The following KCND2 variants were observed in gnomAD, a reference collection of about 807,000 sequenced individuals.
KCND2 encodes the protein potassium voltage-gated channel subfamily D member 2.
KCND2 carries 16 observed loss-of-function variants against 54.4 expected under a neutral mutation model. That is an observed-to-expected ratio of 0.29 (90% CI 0.20 to 0.45). The LOEUF is 0.45. Ranked by LOEUF, KCND2 falls within the 20% of genes least tolerant of loss-of-function variation. KCND2 has a pLI of 1.00. For missense variants in KCND2, 486 were observed against 824.2 expected, an observed-to-expected ratio of 0.59 and a Z score of 5.02; for synonymous variants, 317 against 310.7, an observed-to-expected ratio of 1.02 and a Z score of -0.21.
chr7:120,451,091 C>T (rs1011466937), intron 1 of KCND2, among the ~76,000 whole-genome samples: 2 of 152,162 alleles, frequency 1.3e-5, no homozygotes, highest in Non-Finnish European at 2.9e-5. Context: ...ACCCTCTTAC[C>T]CACAGTGGTC....
intron 1 of KCND2, among the ~76,000 whole-genome samples, chr7:120,706,519 A>T (rs1792470863): frequency 6.6e-6 from 1 of 152,182 alleles, no homozygotes; most frequent in Non-Finnish European, 1.5e-5. Flanking sequence ...AGCCTCTTTT[A>T]TAAGGATCTT....
chr7:120,446,859 T>C (rs763859784), intron 1 of KCND2, among the ~76,000 whole-genome samples: 1 of 152,186 alleles, frequency 6.6e-6, no homozygotes, highest in Non-Finnish European at 1.5e-5. Flanking sequence ...ATAATTTCAC[T>C]TGCAATTCTA....
intron 1 of KCND2, among the ~76,000 whole-genome samples, chr7:120,433,711 CT>C (rs1801827294): frequency 6.6e-6 from 1 of 152,114 alleles, no homozygotes; most frequent in Non-Finnish European, 1.5e-5. Flanking sequence ...AATAATGATA[CT>C]TTGTAGCCAT....
chr7:120,691,735 G>A (rs1359279608), intron 1 of KCND2, among the ~76,000 whole-genome samples: 2 of 152,118 alleles, frequency 1.3e-5, no homozygotes, highest in African/African-American at 4.8e-5. Context: ...ATATTATAAA[G>A]CCAGTGACTA....
chr7:120,707,567 A>T (rs1792485532), intron 1 of KCND2, among the ~76,000 whole-genome samples: 1 of 152,112 alleles, frequency 6.6e-6, no homozygotes, highest in Non-Finnish European at 1.5e-5. Context: ...GTAATATCTT[A>T]CTTTGGAGAA....
At chr7:120,460,896 A>G (rs1319676409) in intron 1 of KCND2, among the ~76,000 whole-genome samples, 1 of 152,166 alleles carries the variant, frequency 6.6e-6, no homozygotes, top group Non-Finnish European at 1.5e-5. Context: ...TTTCTTATAG[A>G]CCATTAGAAT....
At chr7:120,288,703 C>T (rs968055513) in intron 1 of KCND2, among the ~76,000 whole-genome samples, 4 of 151,998 alleles carry the variant, frequency 2.6e-5, no homozygotes, top group Non-Finnish European at 5.9e-5. Flanking sequence ...AATTCATTTC[C>T]TGTATTGGAG....
intron 1 of KCND2, among the ~76,000 whole-genome samples, chr7:120,587,506 A>G (rs1792614558): frequency 6.6e-6 from 1 of 152,164 alleles, no homozygotes; most frequent in African/African-American, 2.4e-5. Flanking sequence ...TGACCAGGGA[A>G]CACATCTCCT....
chr7:120,665,484 G>C (rs1791915384), intron 1 of KCND2, among the ~76,000 whole-genome samples: 1 of 151,954 alleles, frequency 6.6e-6, no homozygotes, highest in African/African-American at 2.4e-5. Context: ...TTGAATACCT[G>C]TATAGCACAA....
At chr7:120,592,665 A>G (rs904533068) in intron 1 of KCND2, among the ~76,000 whole-genome samples, 85 of 152,336 alleles carry the variant, frequency 5.6e-4, no homozygotes, top group African/African-American at 1.9e-3. Flanking sequence ...TTCATCATGC[A>G]TCAGTGTGCA....
chr7:120,312,848 A>G (rs1315179411), intron 1 of KCND2, among the ~76,000 whole-genome samples: 1 of 152,180 alleles, frequency 6.6e-6, no homozygotes, highest in African/African-American at 2.4e-5. Flanking sequence ...TAGTTGGCCT[A>G]CTGTTCACCA....
intron 1 of KCND2, among the ~76,000 whole-genome samples, chr7:120,450,447 A>G (rs562795838): frequency 1.8e-4 from 28 of 152,242 alleles, no homozygotes; most frequent in African/African-American, 6.7e-4. Flanking sequence ...ACATGGGGTG[A>G]TGGAGTGGAA....
intron 1 of KCND2, among the ~76,000 whole-genome samples, chr7:120,431,144 G>C (rs928307210): frequency 4.6e-5 from 7 of 152,138 alleles, no homozygotes; most frequent in Non-Finnish European, 1.0e-4. Context: ...ATTCATCAAT[G>C]TCAAAGCACA....
At chr7:120,458,952 A>T (rs1025265706) in intron 1 of KCND2, among the ~76,000 whole-genome samples, 3 of 151,470 alleles carry the variant, frequency 2.0e-5, no homozygotes, top group Non-Finnish European at 4.4e-5. Context: ...TCTAGGAAAC[A>T]TTATTTCCTA....
chr7:120,685,406 A>G (rs914959104), intron 1 of KCND2, among the ~76,000 whole-genome samples: 1 of 152,166 alleles, frequency 6.6e-6, no homozygotes, highest in African/African-American at 2.4e-5. Flanking sequence ...TCTCACAAAC[A>G]CTTCCCTCTT....
intron 1 of KCND2, among the ~76,000 whole-genome samples, chr7:120,694,313 A>G (rs1792307635): frequency 6.6e-6 from 1 of 152,196 alleles, no homozygotes; most frequent in Admixed American, 6.5e-5. Flanking sequence ...TTGGACACCT[A>G]TATCTAGATA....
intron 1 of KCND2, among the ~76,000 whole-genome samples, chr7:120,310,497 C>T (rs1346047157): frequency 6.6e-6 from 1 of 152,066 alleles, no homozygotes; most frequent in Non-Finnish European, 1.5e-5. Flanking sequence ...ATGTCTGGCT[C>T]ACAACATGCA....
intron 1 of KCND2, among the ~76,000 whole-genome samples, chr7:120,730,303 A>G (rs1792789268): frequency 6.6e-6 from 1 of 152,130 alleles, no homozygotes; most frequent in Non-Finnish European, 1.5e-5. Flanking sequence ...GTGAAGGGGA[A>G]AAACATTGTG....
intron 1 of KCND2, among the ~76,000 whole-genome samples, chr7:120,438,410 A>G (rs1327546502): frequency 6.6e-6 from 1 of 152,176 alleles, no homozygotes; most frequent in Non-Finnish European, 1.5e-5. Context: ...AAATGGAATC[A>G]TTTTATATAG....
Sources: gnomAD v4.1 joint callset for allele counts (sites outside exome capture counted in the v4.1 genomes callset) on GRCh38, gnomAD v4.1.1 for gene constraint, MANE v1.5 for transcripts, NCBI Gene and HGNC (gene_info 2026-07-23, HGNC 2026-07-21) for gene names.